KCNIP3: variants seen among roughly 807,000 people sequenced by gnomAD.
KCNIP3 encodes the protein calsenilin.
Under a neutral mutation model 35.0 loss-of-function variants are expected in KCNIP3, and 28 were observed. That is an observed-to-expected ratio of 0.80 (90% CI 0.59 to 1.10). The LOEUF is 1.10. Ranked by LOEUF, KCNIP3 falls within the 50% of genes least tolerant of loss-of-function variation. KCNIP3 has a pLI of 0.00. For synonymous variants in KCNIP3, 134 were observed against 133.8 expected (o/e 1.00, Z -0.01); for missense variants, 295 against 338.4 (o/e 0.87, Z 1.01).
intron 2 of KCNIP3, among the ~76,000 whole-genome samples, chr2:95,345,452 T>C (rs1322670814): frequency 6.6e-6 from 1 of 152,236 alleles, no homozygotes; most frequent in Non-Finnish European, 1.5e-5. Context: ...GGCAGCGAGC[T>C]CTGTGCCTGG....
intron 2 of KCNIP3, among the ~76,000 whole-genome samples, chr2:95,358,813 C>T (rs1679720560): frequency 6.6e-6 from 1 of 152,168 alleles, no homozygotes; most frequent in African/African-American, 2.4e-5. Context: ...GAGGGCAGAG[C>T]CCTCGTAAAC....
At chr2:95,317,091 A>G (rs1355312539) in intron 2 of KCNIP3, among the ~76,000 whole-genome samples, 1 of 152,140 alleles carries the variant, frequency 6.6e-6, no homozygotes, top group East Asian at 1.9e-4. Context: ...CAGTGGATAG[A>G]GGTCAGAGGT....
At chr2:95,363,629 T>C (rs1440650429) in intron 2 of KCNIP3, among the ~76,000 whole-genome samples, 1 of 152,238 alleles carries the variant, frequency 6.6e-6, no homozygotes, top group Non-Finnish European at 1.5e-5. Context: ...AAAATCCAAC[T>C]GAATTTTTTA....
intron 2 of KCNIP3, among the ~76,000 whole-genome samples, chr2:95,349,316 G>A (rs1204623869): frequency 2.0e-5 from 3 of 152,202 alleles, no homozygotes; most frequent in Non-Finnish European, 2.9e-5. Context: ...TCTGCTCCAA[G>A]TCTGCGTGTG....
rs1202946246 is a variant in KCNIP3, at chr2:95,377,954, G to A, written c.447+2746G>A. ...GTGGAGGACAGCGGTGCCTGCCCAGGGTCCCCAGGAGAACGGTGTGCTCCA... is the reference window on the plus strand; with the variant it reads ...GTGGAGGACAGCGGTGCCTGCCCAGAGTCCCCAGGAGAACGGTGTGCTCCA... On this transcript the variant is annotated intron_variant, in intron 5 of 8. Coordinates refer to ENST00000295225, the MANE Select transcript of KCNIP3 (RefSeq NM_013434.5). This position sits in a 1 kb window ranked among gnomAD's most constrained non-coding sequence, Gnocchi z 4.7. Among the ~76,000 whole-genome samples the A allele has an allele frequency of 6.6e-6, 1 of 152,106 alleles. No homozygotes were observed. The highest frequency in any genetic ancestry group is 1.5e-5 in the Non-Finnish European group (1 of 68,030).
intron 7 of KCNIP3, 82 bp from the exon 8 acceptor site, chr2:95,383,150 C>G: frequency 9.1e-7 from 1 of 1,099,154 alleles, no homozygotes; most frequent in South Asian, 1.3e-5. Context: ...TCCACCCACC[C>G]ATGACTTCTG....
At chr2:95,300,631 C>A (rs1181694525) in intron 1 of KCNIP3, among the ~76,000 whole-genome samples, 1 of 152,338 alleles carries the variant, frequency 6.6e-6, no homozygotes, top group South Asian at 2.1e-4. Flanking sequence ...CCAGGGCTCC[C>A]GGCCTCAGCT....
intron 8 of KCNIP3, 57 bp downstream of exon 8, chr2:95,383,351 T>C: frequency 6.4e-7 from 1 of 1,563,292 alleles, no homozygotes; most frequent in Admixed American, 1.7e-5. Context: ...CGGAGGTGGG[T>C]GGTTGGCAGC....
intron 1 of KCNIP3, 63 bp from the exon 2 acceptor site, chr2:95,310,292 G>A (rs1216002375): frequency 6.2e-7 from 1 of 1,601,274 alleles, no homozygotes; most frequent in East Asian, 2.2e-5. Flanking sequence ...GGCAGCTCGG[G>A]ACCATCCAGG....
chr2:95,361,119 G>C (rs1429063841), intron 2 of KCNIP3, among the ~76,000 whole-genome samples: 1 of 152,148 alleles, frequency 6.6e-6, no homozygotes, highest in Non-Finnish European at 1.5e-5. Flanking sequence ...CTGGAGCGCT[G>C]ATCAATAGTA....
chr2:95,309,996 T>C (rs1678269493), intron 1 of KCNIP3, among the ~76,000 whole-genome samples: 1 of 152,204 alleles, frequency 6.6e-6, no homozygotes, highest in Non-Finnish European at 1.5e-5. Context: ...TTCAGGCAGA[T>C]GAGGGATTGG....
intron 2 of KCNIP3, among the ~76,000 whole-genome samples, chr2:95,360,772 A>C (rs1679780473): frequency 6.6e-6 from 1 of 152,192 alleles, no homozygotes; most frequent in Non-Finnish European, 1.5e-5. Flanking sequence ...AGACAGAGAG[A>C]GAGAGAGAGA....
chr2:95,305,486 A>G (rs1187891260), intron 1 of KCNIP3, among the ~76,000 whole-genome samples: 1 of 152,206 alleles, frequency 6.6e-6, no homozygotes, highest in African/African-American at 2.4e-5. Flanking sequence ...CACCAGTCCT[A>G]GTCCGATTTC....
At chr2:95,305,423 A>G (rs1678142693) in intron 1 of KCNIP3, among the ~76,000 whole-genome samples, 1 of 152,224 alleles carries the variant, frequency 6.6e-6, no homozygotes, top group Admixed American at 6.5e-5. Flanking sequence ...ATGACAGCAT[A>G]TTTCAAAACT....
chr2:95,301,471 G>A (rs1389269959), intron 1 of KCNIP3, among the ~76,000 whole-genome samples: 1 of 152,224 alleles, frequency 6.6e-6, no homozygotes, highest in East Asian at 1.9e-4. Context: ...GTCACACACT[G>A]GCTGTGTGTC....
rs368755767 is a variant in KCNIP3, at chr2:95,307,280, AT to A, written c.16-3070del. On this transcript the variant is annotated intron_variant, in intron 1 of 8. Coordinates refer to ENST00000295225, the MANE Select transcript of KCNIP3 (RefSeq NM_013434.5). ...GGCATCACAGCACTCCTCAACGGAT[AT>A]TTTTGGAAGGCTGCTGATGTGCCTG... 2.0e-5 allele frequency among the ~76,000 whole-genome samples: 3 copies of A among 152,210 alleles called. No homozygotes were observed. In the East Asian group the frequency reaches 5.8e-4, roughly 29 times the overall value.
intron 2 of KCNIP3, among the ~76,000 whole-genome samples, chr2:95,325,240 A>T (rs962138523): frequency 6.6e-6 from 1 of 152,142 alleles, no homozygotes; most frequent in Non-Finnish European, 1.5e-5. Flanking sequence ...CTGAGCATTG[A>T]CCGGAATCCT....
At chr2:95,309,203 G>A in intron 1 of KCNIP3, among the ~76,000 whole-genome samples, 1 of 152,216 alleles carries the variant, frequency 6.6e-6, no homozygotes, top group East Asian at 1.9e-4. Context: ...AGACCCAGCA[G>A]GTGCACAGAG....
intron 2 of KCNIP3, among the ~76,000 whole-genome samples, chr2:95,316,141 G>A (rs927154084): frequency 6.6e-6 from 1 of 152,214 alleles, no homozygotes; most frequent in Non-Finnish European, 1.5e-5. Flanking sequence ...TCCCCTCTGG[G>A]GGCCTGCCAT....
Sources: allele counts gnomAD v4.1 joint callset (sites outside exome capture counted in the v4.1 genomes callset), GRCh38; gene constraint gnomAD v4.1.1; non-coding constraint Gnocchi (gnomAD v3.1); transcripts MANE v1.5; gene names NCBI Gene and HGNC (gene_info 2026-07-23, HGNC 2026-07-21).